Variants in FCHSD2 observed in about 807,000 individuals in gnomAD.
The protein encoded by FCHSD2 is F-BAR and double SH3 domains protein 2.
FCHSD2 carries 38 observed loss-of-function variants against 108.1 expected under a neutral mutation model. The ratio of observed to expected loss-of-function variants is 0.35; its 90% CI spans 0.27 to 0.46. The LOEUF is 0.46. Ranked by LOEUF, FCHSD2 falls within the 20% of genes least tolerant of loss-of-function variation. The probability of loss-of-function intolerance (pLI) is 1.00; values close to 1 mark genes in which losing one functional copy is unlikely to be tolerated. For synonymous variants in FCHSD2, 279 were observed against 314.7 expected, an observed-to-expected ratio of 0.89 and a Z score of 1.20; for missense variants, 751 against 897.8, an observed-to-expected ratio of 0.84 and a Z score of 2.09.
chr11:72,940,096 G>A (rs1289811538), intron 8 of FCHSD2, among the ~76,000 whole-genome samples: 1 of 152,172 alleles, frequency 6.6e-6, no homozygotes, highest in Admixed American at 6.5e-5. Context: ...ACCTACCATA[G>A]GTGACTCTCA....
intron 3 of FCHSD2, among the ~76,000 whole-genome samples, chr11:73,058,618 C>CA (rs1234752267): frequency 2.1e-5 from 3 of 141,096 alleles, no homozygotes; most frequent in African/African-American, 7.9e-5. Flanking sequence ...TTTTTTAAGA[C>CA]AGAGTCTTGC....
At chr11:72,952,512 A>C (rs1856638227) in intron 8 of FCHSD2, among the ~76,000 whole-genome samples, 1 of 152,074 alleles carries the variant, frequency 6.6e-6, no homozygotes, top group African/African-American at 2.4e-5. Flanking sequence ...TTTAGTAGAG[A>C]CAAGGTTTCA....
chr11:73,016,348 C>CCAAA (rs764212537), intron 3 of FCHSD2, among the ~76,000 whole-genome samples: 1 of 150,740 alleles, frequency 6.6e-6, no homozygotes, highest in African/African-American at 2.4e-5. Context: ...AACCAACCAA[C>CCAAA]CAAACAAACA....
chr11:73,032,223 T>C (rs939307710), intron 3 of FCHSD2, among the ~76,000 whole-genome samples: 3 of 152,086 alleles, frequency 2.0e-5, no homozygotes, highest in Non-Finnish European at 4.4e-5. Context: ...TACCACTGGA[T>C]TGTTCAATGT....
chr11:72,856,064 A>ACAAAGAATGGACAGGCAGGATT (rs1220794466), intron 13 of FCHSD2, among the ~76,000 whole-genome samples: 1 of 152,260 alleles, frequency 6.6e-6, no homozygotes, highest in African/African-American at 2.4e-5. Context: ...ATTTAAGGTT[A>ACAAAGAATGGACAGGCAGGATT]CAAAGAATGG....
At chr11:72,841,967 ACTT>A (rs1241397435) in intron 17 of FCHSD2, among the ~76,000 whole-genome samples, 1 of 152,164 alleles carries the variant, frequency 6.6e-6, no homozygotes, top group Non-Finnish European at 1.5e-5. Context: ...TGAATTTCTG[ACTT>A]CCCCAGGTTT....
At chr11:73,051,103 T>A (rs1285205583) in intron 3 of FCHSD2, among the ~76,000 whole-genome samples, 1 of 152,152 alleles carries the variant, frequency 6.6e-6, no homozygotes, top group African/African-American at 2.4e-5. Flanking sequence ...ATCGCTTGAA[T>A]CCAAGAGTTC....
At chr11:72,841,019 C>A in intron 18 of FCHSD2, 60 bp from the exon 19 acceptor site, 1 of 1,274,258 alleles carries the variant, frequency 7.8e-7, no homozygotes, top group Non-Finnish European at 1.1e-6. Context: ...AATGCTGATG[C>A]AAGGCTGGCA....
chr11:72,961,440 T>C (rs1856817929), intron 8 of FCHSD2, among the ~76,000 whole-genome samples: 1 of 151,704 alleles, frequency 6.6e-6, no homozygotes. Context: ...TTGTTTTTAA[T>C]AGATGGGGTC....
chr11:73,136,559 T>TA (rs1159181348), intron 2 of FCHSD2, among the ~76,000 whole-genome samples: 3 of 151,650 alleles, frequency 2.0e-5, no homozygotes, highest in Non-Finnish European at 2.9e-5. Flanking sequence ...TTAATAATAA[T>TA]AAAAAAAATT....
At chr11:72,889,048 A>C (rs937143843) in intron 11 of FCHSD2, among the ~76,000 whole-genome samples, 3 of 152,038 alleles carry the variant, frequency 2.0e-5, no homozygotes, top group African/African-American at 7.2e-5. Flanking sequence ...TCCGCCTCCC[A>C]GGTTCATGCC....
At chr11:73,104,258 G>C (rs1005639471) in intron 2 of FCHSD2, among the ~76,000 whole-genome samples, 38 of 152,176 alleles carry the variant, frequency 2.5e-4, no homozygotes, top group African/African-American at 8.7e-4. Flanking sequence ...CAGAAAAGAT[G>C]GTACAAACTT....
At chr11:72,893,980 T>A (rs1855370482) in intron 10 of FCHSD2, among the ~76,000 whole-genome samples, 1 of 152,188 alleles carries the variant, frequency 6.6e-6, no homozygotes, top group African/African-American at 2.4e-5. Flanking sequence ...GGCTCAGATA[T>A]CTGAGCAGAG....
At chr11:73,102,187 C>T (rs1255430766) in intron 2 of FCHSD2, among the ~76,000 whole-genome samples, 1 of 152,056 alleles carries the variant, frequency 6.6e-6, no homozygotes, top group Non-Finnish European at 1.5e-5. Context: ...CACTGAACAC[C>T]CACTAGAATG....
At chr11:73,071,536 A>T (rs1859435503) in intron 3 of FCHSD2, among the ~76,000 whole-genome samples, 1 of 136,096 alleles carries the variant, frequency 7.3e-6, no homozygotes, top group Admixed American at 7.2e-5. Flanking sequence ...CTAAAAATAC[A>T]AAAAAAAAAA....
chr11:72,889,808 A>G, intron 11 of FCHSD2, 21 bp downstream of exon 11: 1 of 1,377,460 alleles, frequency 7.3e-7, no homozygotes, highest in Non-Finnish European at 1.0e-6. Context: ...GAATGTAACT[A>G]GGACTTTCTC....
At chr11:72,942,259 C>A (rs1856434244) in intron 8 of FCHSD2, among the ~76,000 whole-genome samples, 1 of 152,212 alleles carries the variant, frequency 6.6e-6, no homozygotes, top group Non-Finnish European at 1.5e-5. Context: ...ATATGACATG[C>A]AGGCTTCCAC....
chr11:72,916,414 G>A (rs2135302890), intron 9 of FCHSD2, among the ~76,000 whole-genome samples: 1 of 150,276 alleles, frequency 6.7e-6, no homozygotes, highest in Non-Finnish European at 1.5e-5. Context: ...CTGGGCTCAA[G>A]TAATCCTCCC....
intron 2 of FCHSD2, among the ~76,000 whole-genome samples, chr11:73,092,755 T>C (rs1859986776): frequency 6.6e-6 from 1 of 152,186 alleles, no homozygotes; most frequent in Admixed American, 6.5e-5. Flanking sequence ...TTGGTCACAT[T>C]ATATCAGTTA....
Sources: allele counts gnomAD v4.1 joint callset (sites outside exome capture counted in the v4.1 genomes callset), GRCh38; gene constraint gnomAD v4.1.1; transcripts MANE v1.5; gene names NCBI Gene and HGNC (gene_info 2026-07-23, HGNC 2026-07-21).